Variants in DACH2 observed in about 807,000 individuals in gnomAD.
DACH2 encodes the protein dachshund homolog 2.
DACH2 carries 17 observed loss-of-function variants against 35.8 expected under a neutral mutation model. That is an observed-to-expected ratio of 0.48 (90% CI 0.33 to 0.71). The LOEUF is 0.71. Ranked by LOEUF, DACH2 falls within the 30% of genes least tolerant of loss-of-function variation. The probability of loss-of-function intolerance (pLI) is 0.02; values close to 1 mark genes in which losing one functional copy is unlikely to be tolerated. For missense variants in DACH2, 469 were observed against 472.7 expected (o/e 0.99, Z 0.07); for synonymous variants, 195 against 177.3 (o/e 1.10, Z -0.79).
intron 5 of DACH2, among the ~76,000 whole-genome samples, chrX:86,711,111 C>T (rs746284065): frequency 1.2e-4 from 14 of 112,342 alleles, no homozygotes; most frequent in African/African-American, 4.2e-4. Flanking sequence ...CTCTGTGGCT[C>T]ACGCCTGTAA....
chrX:86,486,925 A>G (rs1437173767), intron 2 of DACH2, among the ~76,000 whole-genome samples: 3 of 111,868 alleles, frequency 2.7e-5, no homozygotes. Context: ...AGCAACAGTA[A>G]CAGGACTTAT....
At chrX:86,158,831 CT>C (rs2030647346) in intron 1 of DACH2, among the ~76,000 whole-genome samples, 2 of 109,979 alleles carry the variant, frequency 1.8e-5, no homozygotes, top group Admixed American at 2.0e-4. Flanking sequence ...AAACATTAGA[CT>C]TTTTTCAGTC....
intron 7 of DACH2, among the ~76,000 whole-genome samples, chrX:86,752,139 C>T (rs780661224): frequency 9.0e-6 from 1 of 111,281 alleles, no homozygotes; most frequent in African/African-American, 3.3e-5. Flanking sequence ...ATCACAGGGA[C>T]GTCTAGCCTC....
chrX:86,291,650 G>T (rs1365207889), intron 1 of DACH2, among the ~76,000 whole-genome samples: 3 of 107,429 alleles, frequency 2.8e-5, no homozygotes, highest in Admixed American at 1.0e-4. Flanking sequence ...GTTAAATTTT[G>T]TCAAAGGCCT....
intron 1 of DACH2, among the ~76,000 whole-genome samples, chrX:86,196,321 G>A (rs940899884): frequency 5.4e-5 from 6 of 111,096 alleles, no homozygotes; most frequent in Admixed American, 9.6e-5. Context: ...TAGACCAAGC[G>A]CAGGAAAGAA....
intron 1 of DACH2, among the ~76,000 whole-genome samples, chrX:86,289,099 A>T (rs756387609): frequency 2.9e-4 from 32 of 109,277 alleles, no homozygotes; most frequent in Non-Finnish European, 5.3e-4. Context: ...TTAGCAGGTG[A>T]TGACTTCTTC....
At chrX:86,532,095 C>T (rs1466818953) in intron 3 of DACH2, among the ~76,000 whole-genome samples, 1 of 112,949 alleles carries the variant, frequency 8.9e-6, no homozygotes, top group East Asian at 2.8e-4. Context: ...ACATTCAAGC[C>T]ATGCCTGTTC....
intron 3 of DACH2, among the ~76,000 whole-genome samples, chrX:86,646,493 G>A (rs1381741942): frequency 9.1e-6 from 1 of 110,002 alleles, no homozygotes; most frequent in Admixed American, 9.8e-5. Flanking sequence ...AAAACTGATA[G>A]AAGAAAACAT....
In DACH2 at chrX:86,237,655, G is replaced by A. The variant is rs550242784; in HGVS notation, c.488+88547G>A. On this transcript the variant is annotated intron_variant, in intron 1 of 11. Transcript: ENST00000373125. ...GCTACTGGCCCGAATCTCACACATGGCAAGGGAAGCCAGCTGTGGAGCGGC... is the reference window on the plus strand; with the variant it reads ...GCTACTGGCCCGAATCTCACACATGACAAGGGAAGCCAGCTGTGGAGCGGC... Among the ~76,000 whole-genome samples, 10 of 111,847 alleles carry A rather than the reference G, an allele frequency of 8.9e-5. 1 individual carries two copies. The South Asian group carries it at 3.8e-3, about 43-fold the overall frequency.
intron 2 of DACH2, among the ~76,000 whole-genome samples, chrX:86,455,575 G>A (rs1346578284): frequency 8.0e-5 from 9 of 112,572 alleles, no homozygotes; most frequent in Non-Finnish European, 1.7e-4. Context: ...ATCTGGCAAA[G>A]CAGCTGCGCT....
chrX:86,823,260 C>T (rs2042530875), intron 11 of DACH2, among the ~76,000 whole-genome samples: 1 of 111,938 alleles, frequency 8.9e-6, no homozygotes, highest in Non-Finnish European at 1.9e-5. Flanking sequence ...GACTGGGATT[C>T]CTTATGCAGC....
intron 4 of DACH2, among the ~76,000 whole-genome samples, chrX:86,653,487 C>T (rs1469018931): frequency 1.8e-5 from 2 of 110,683 alleles, no homozygotes; most frequent in African/African-American, 6.6e-5. Context: ...CTCTCATTCA[C>T]TCACCCTTTC....
intron 2 of DACH2, among the ~76,000 whole-genome samples, chrX:86,411,784 G>A (rs2036618890): frequency 9.0e-6 from 1 of 111,576 alleles, no homozygotes; most frequent in Non-Finnish European, 1.9e-5. Flanking sequence ...GTGGTCATAG[G>A]TGGTATTGAT....
At chrX:86,821,173 C>A (rs1320624727) in intron 11 of DACH2, among the ~76,000 whole-genome samples, 1 of 110,884 alleles carries the variant, frequency 9.0e-6, no homozygotes, top group Non-Finnish European at 1.9e-5. Flanking sequence ...AACTCACCAA[C>A]CATTAATTAT....
At chrX:86,180,175 CGTATATATAT>C (rs1375118742) in intron 1 of DACH2, among the ~76,000 whole-genome samples, 3 of 15,594 alleles carry the variant, frequency 1.9e-4, no homozygotes, top group African/African-American at 7.2e-4. Context: ...CATGCTAAAC[CGTATATATAT>C]ATATATATAT....
chrX:86,675,609 A>G (rs2040817428), intron 4 of DACH2, among the ~76,000 whole-genome samples: 1 of 111,364 alleles, frequency 9.0e-6, no homozygotes, highest in African/African-American at 3.3e-5. Context: ...AGCTGAGCCC[A>G]GGGTGGTTGA....
At chrX:86,580,561 TG>T (rs1489712249) in intron 3 of DACH2, among the ~76,000 whole-genome samples, 2 of 111,619 alleles carry the variant, frequency 1.8e-5, no homozygotes, top group Non-Finnish European at 3.8e-5. Flanking sequence ...CTGATAGAGC[TG>T]AAAAACTCAC....
At chrX:86,642,224 A>T (rs1316755673) in intron 3 of DACH2, among the ~76,000 whole-genome samples, 1 of 111,613 alleles carries the variant, frequency 9.0e-6, no homozygotes, top group Non-Finnish European at 1.9e-5. Context: ...ACCTCACGTC[A>T]TGACACTCAT....
chrX:86,387,041 A>G (rs921773938), intron 2 of DACH2, among the ~76,000 whole-genome samples: 6 of 111,716 alleles, frequency 5.4e-5, no homozygotes, highest in Non-Finnish European at 1.1e-4. Flanking sequence ...GAAAAGCCTC[A>G]TAGTCTTCTA....
Sources: allele counts gnomAD v4.1 joint callset (sites outside exome capture counted in the v4.1 genomes callset), GRCh38; gene constraint gnomAD v4.1.1; transcripts MANE v1.5; gene names NCBI Gene and HGNC (gene_info 2026-07-23, HGNC 2026-07-21).